The following NTM variants were observed in gnomAD, a reference collection of about 807,000 sequenced individuals.
NTM encodes IgLON family member 2.
Under a neutral mutation model 42.1 loss-of-function variants are expected in NTM, and 13 were observed. The ratio of observed to expected loss-of-function variants is 0.31; its 90% CI spans 0.20 to 0.49. The LOEUF is 0.49. Ranked by LOEUF, NTM falls within the 20% of genes least tolerant of loss-of-function variation. The pLI is 0.99. For synonymous variants in NTM, 187 were observed against 179.2 expected (o/e 1.04, Z -0.35); for missense variants, 373 against 452.8 (o/e 0.82, Z 1.60).
intron 2 of NTM, chr11:131,981,202 G>A (rs1026252662): frequency 4.6e-5 from 7 of 152,164 alleles, no homozygotes; most frequent in African/African-American, 1.2e-4. Flanking sequence ...GGAATGCTCC[G>A]CTTTGTGTTT....
At chr11:131,985,733 A>T (rs1294796006) in intron 2 of NTM, among the ~76,000 whole-genome samples, 1 of 152,216 alleles carries the variant, frequency 6.6e-6, no homozygotes, top group Non-Finnish European at 1.5e-5. Context: ...ATTCAGTCAC[A>T]GTGTCACGTA....
In NTM at chr11:132,306,107, A is replaced by G. The variant is rs543595315; in HGVS notation, c.527-1582A>G. Among the ~76,000 whole-genome samples, 3 of 152,302 alleles carry G rather than the reference A, an allele frequency of 2.0e-5. No homozygotes were observed. The East Asian group carries it at 5.8e-4, about 29-fold the overall frequency. ...CAGTGGCACAGACTTATCATGGCCA[A>G]AGAGTGCTGATCGAATGGAACAAGG... On this transcript the variant is annotated intron_variant, in intron 4 of 8. Transcript: ENST00000683400.
At chr11:131,453,481 C>T (rs1950633586) in intron 1 of NTM, among the ~76,000 whole-genome samples, 1 of 151,896 alleles carries the variant, frequency 6.6e-6, no homozygotes, top group African/African-American at 2.4e-5. Flanking sequence ...GACTACTTTT[C>T]TCTAGAGGTG....
rs1045539265 is a variant in NTM at position 131,386,980 on chromosome 11, C to A, written c.82+16092C>A. On this transcript the variant is annotated intron_variant, in intron 1 of 8. Transcript: ENST00000683400. ...TTAAAAAGATATGTTTTTATCTTTA[C>A]AAATTACAAAGCTTATTATATCAAA... is the stretch of plus-strand genomic sequence containing the variant. 2.0e-5 allele frequency among the ~76,000 whole-genome samples: 3 copies of A among 152,154 alleles called. No individual in the cohort carries two copies. The South Asian group carries it at 6.2e-4, about 32-fold the overall frequency.
At chr11:131,449,808 T>C (rs1950347632) in intron 1 of NTM, among the ~76,000 whole-genome samples, 1 of 152,192 alleles carries the variant, frequency 6.6e-6, no homozygotes, top group Non-Finnish European at 1.5e-5. Context: ...GTGCACTGCC[T>C]GTGCAGAAGC....
intron 1 of NTM, among the ~76,000 whole-genome samples, chr11:131,820,965 A>G (rs745710054): frequency 5.3e-5 from 8 of 152,092 alleles, no homozygotes; most frequent in Non-Finnish European, 1.2e-4. Context: ...ACAAGCCTAG[A>G]AGGGTTGTAA....
chr11:132,316,916 C>CAGGTTGGAA lies in NTM; in HGVS notation c.934+2216_934+2224dup, dbSNP rs3028803. The stretch of plus-strand genomic sequence containing the variant: ...TAAAAGCCAACAAGCACACTTGGGG[C>CAGGTTGGAA]AGGTTGGAAAGCAGCATGTACTTTT... On this transcript the variant is annotated intron_variant, in intron 7 of 8. Coordinates refer to ENST00000683400, the MANE Select transcript of NTM (RefSeq NM_001352005.2). Among the ~76,000 whole-genome samples, 838 of 152,276 alleles carry CAGGTTGGAA rather than the reference C, an allele frequency of 5.5e-3. 3 individuals are homozygous for CAGGTTGGAA. The highest frequency in any genetic ancestry group is 9.3e-3 in the Non-Finnish European group (633 of 68,016).
intron 1 of NTM, among the ~76,000 whole-genome samples, chr11:131,594,242 T>C (rs1430994073): frequency 6.6e-6 from 1 of 152,198 alleles, no homozygotes; most frequent in Non-Finnish European, 1.5e-5. Flanking sequence ...GAATTTATGC[T>C]AAGTCCTGTA....
chr11:131,507,476 G>A (rs2047631574), intron 1 of NTM, among the ~76,000 whole-genome samples: 1 of 152,108 alleles, frequency 6.6e-6, no homozygotes, highest in Admixed American at 6.5e-5. Flanking sequence ...AGTATAGTTT[G>A]AAGTCAGGTA....
intron 1 of NTM, among the ~76,000 whole-genome samples, chr11:131,395,954 T>TAGGA (rs1338112216): frequency 1.3e-5 from 2 of 152,148 alleles, no homozygotes; most frequent in African/African-American, 4.8e-5. Flanking sequence ...CAACAACCTG[T>TAGGA]GAGAAGTTCT....
At chr11:131,861,058 CCTGGCTTT>C (rs755035094) in intron 1 of NTM, among the ~76,000 whole-genome samples, 28 of 152,152 alleles carry the variant, frequency 1.8e-4, no homozygotes, top group Admixed American at 5.2e-4. Flanking sequence ...CAGCCCTACC[CCTGGCTTT>C]CTGGCTTTCC....
chr11:132,291,563 G>A (rs2094451314), intron 4 of NTM, among the ~76,000 whole-genome samples: 1 of 152,162 alleles, frequency 6.6e-6, no homozygotes, highest in Admixed American at 6.5e-5. Flanking sequence ...GTGAGTTATT[G>A]CCATAAACCT....
At chr11:132,118,007 A>T (rs563874807) in intron 2 of NTM, among the ~76,000 whole-genome samples, 1 of 152,342 alleles carries the variant, frequency 6.6e-6, no homozygotes, top group East Asian at 1.9e-4. Context: ...ACTTGAATTA[A>T]ATCAATCTTG....
intron 1 of NTM, among the ~76,000 whole-genome samples, chr11:131,773,478 G>T (rs1407082859): frequency 6.6e-6 from 1 of 152,138 alleles, no homozygotes; most frequent in Non-Finnish European, 1.5e-5. Flanking sequence ...CTTTCCGTGG[G>T]TAAAGAAGTG....
At chr11:131,608,914 G>A (rs367752811) in intron 1 of NTM, among the ~76,000 whole-genome samples, 10 of 152,188 alleles carry the variant, frequency 6.6e-5, no homozygotes, top group African/African-American at 2.4e-4. Context: ...TTGGAAGCTC[G>A]ACCCTATAGG....
At chr11:131,396,700 G>C (rs1326378824) in intron 1 of NTM, among the ~76,000 whole-genome samples, 1 of 152,040 alleles carries the variant, frequency 6.6e-6, no homozygotes, top group Non-Finnish European at 1.5e-5. Flanking sequence ...CAGGCACTGT[G>C]GTGGGCAACT....
rs193048359 is a variant in NTM, at chr11:131,706,967, C to T, written c.83-204597C>T. On this transcript the variant is annotated intron_variant, in intron 1 of 8. Transcript: ENST00000683400. ...AGCTAATTAACATATTTTAACCTCA[C>T]TACTTATCATTTCTTTGTGATGATA... Among the ~76,000 whole-genome samples, 4 of 152,118 alleles carry T rather than the reference C, an allele frequency of 2.6e-5. No homozygotes were observed. The East Asian group carries it at 7.7e-4, about 29-fold the overall frequency.
At chr11:132,115,331 G>A (rs1441927920) in intron 2 of NTM, among the ~76,000 whole-genome samples, 1 of 152,176 alleles carries the variant, frequency 6.6e-6, no homozygotes, top group Non-Finnish European at 1.5e-5. Flanking sequence ...AAAGAAAATG[G>A]TGAGGAGGCG....
At chr11:132,235,612 T>C (rs2088658471) in intron 4 of NTM, among the ~76,000 whole-genome samples, 1 of 152,184 alleles carries the variant, frequency 6.6e-6, no homozygotes, top group Non-Finnish European at 1.5e-5. Flanking sequence ...CCTTGGGCTT[T>C]TTATCAATTA....
Sources: gnomAD v4.1 joint callset for allele counts (sites outside exome capture counted in the v4.1 genomes callset) on GRCh38, gnomAD v4.1.1 for gene constraint, MANE v1.5 for transcripts, NCBI Gene and HGNC (gene_info 2026-07-23, HGNC 2026-07-21) for gene names.